MIGA1: variants seen among roughly 807,000 people sequenced by gnomAD.
The protein encoded by MIGA1 is family with sequence similarity 73, member A.
MIGA1 carries 58 observed loss-of-function variants against 82.0 expected under a neutral mutation model. The observed-to-expected ratio is 0.71, with a 90% CI of 0.57 to 0.88. MIGA1 has a LOEUF of 0.88. MIGA1 is among the 40% of genes least tolerant of loss of function. The pLI is 0.00. For synonymous variants in MIGA1, 249 were observed against 253.6 expected (o/e 0.98, Z 0.17); for missense variants, 751 against 749.1 (o/e 1.00, Z -0.03).
chr1:77,815,252 G>A lies in MIGA1; in HGVS notation c.895+21G>A, dbSNP rs749008076. On this transcript the variant is annotated intron_variant, in intron 7 of 15. Transcript: ENST00000370791. Reference sequence around the variant, plus strand: ...TATTGGTAAGATGGATATTTCATATGGCTTTTATGAAATGTTTACTTTTCT... The same window carrying A: ...TATTGGTAAGATGGATATTTCATATAGCTTTTATGAAATGTTTACTTTTCT... 2.9e-5 allele frequency: 45 copies of A among 1,543,406 alleles called. No individual in the cohort carries two copies. The Admixed American group carries it at 5.1e-4, about 18-fold the overall frequency.
At chr1:77,785,631 C>T (rs962047720) in intron 2 of MIGA1, among the ~76,000 whole-genome samples, 2 of 152,178 alleles carry the variant, frequency 1.3e-5, no homozygotes, top group Non-Finnish European at 2.9e-5. Flanking sequence ...GTGTGAGCCA[C>T]TGCACCCGGC....
intron 7 of MIGA1, among the ~76,000 whole-genome samples, chr1:77,830,002 T>C (rs539087617): frequency 1.2e-4 from 18 of 152,086 alleles, no homozygotes; most frequent in African/African-American, 4.1e-4. Flanking sequence ...ACTGTAGCTT[T>C]ATATAGCTTT....
Position 77,866,457 on chromosome 1 carries a change from G to A in MIGA1, c.1563+66G>A, listed in dbSNP as rs1685671804. 5 of 1,474,168 alleles carry A rather than the reference G, an allele frequency of 3.4e-6. No homozygotes were observed. In the South Asian group the frequency reaches 4.5e-5, roughly 13 times the overall value. The allele number at this position is 1,474,168 out of a possible 1,614,324, so 91.3% of individuals were successfully genotyped here. ...TAAGGATTCTGTCAAAGCAGCTTCT[G>A]AGTCACTTCTCCGGTGGGAATTGGC... is the stretch of plus-strand genomic sequence containing the variant. On this transcript the variant is annotated intron_variant, in intron 14 of 15. Coordinates refer to ENST00000370791, the MANE Select transcript of MIGA1 (RefSeq NM_198549.4).
chr1:77,799,701 G>C (rs1345738814), intron 2 of MIGA1, among the ~76,000 whole-genome samples: 2 of 150,464 alleles, frequency 1.3e-5, no homozygotes, highest in Non-Finnish European at 3.0e-5. Flanking sequence ...TTTGTCCTTT[G>C]TGGTCATAGA....
At chr1:77,869,763 C>T (rs1327914337) in intron 14 of MIGA1, among the ~76,000 whole-genome samples, 9 of 103,166 alleles carry the variant, frequency 8.7e-5, no homozygotes, top group East Asian at 3.5e-4. Flanking sequence ...GCCTCCCGGA[C>T]GGGGCGGCTG....
intron 7 of MIGA1, among the ~76,000 whole-genome samples, chr1:77,836,111 T>C (rs191303178): frequency 6.6e-6 from 1 of 152,250 alleles, no homozygotes. Context: ...TAAATTTTAG[T>C]TTACATGAAC....
At chr1:77,787,988 G>T (rs1339266608) in intron 2 of MIGA1, among the ~76,000 whole-genome samples, 2 of 151,024 alleles carry the variant, frequency 1.3e-5, no homozygotes, top group African/African-American at 4.9e-5. Flanking sequence ...GCTAATTTTT[G>T]TATTTTTTCT....
chr1:77,806,867 A>G (rs1039784058), intron 4 of MIGA1, 108 bp from the exon 5 acceptor site: 2 of 739,812 alleles, frequency 2.7e-6, no homozygotes, highest in Non-Finnish European at 4.3e-6. Context: ...AATTACATGG[A>G]TTGTCTTACC....
chr1:77,866,712 C>G (rs1382247852), intron 14 of MIGA1, among the ~76,000 whole-genome samples: 1 of 134,706 alleles, frequency 7.4e-6, no homozygotes. Context: ...TTGAGACAGT[C>G]TGTCTCTGTT....
intron 5 of MIGA1, 58 bp downstream of exon 5, chr1:77,807,159 C>G: frequency 1.4e-6 from 2 of 1,382,432 alleles, no homozygotes; most frequent in Non-Finnish European, 2.0e-6. Context: ...TTGTTTTGTT[C>G]TTGTTTTTTA....
At chr1:77,814,255 T>C (rs1033972707) in intron 6 of MIGA1, among the ~76,000 whole-genome samples, 1 of 152,220 alleles carries the variant, frequency 6.6e-6, no homozygotes, top group Non-Finnish European at 1.5e-5. Context: ...TGTTTTTTTC[T>C]TCTTCCTTGG....
intron 13 of MIGA1, among the ~76,000 whole-genome samples, chr1:77,865,129 TTTTC>T (rs1685614089): frequency 1.3e-5 from 2 of 151,910 alleles, no homozygotes; most frequent in Admixed American, 1.3e-4. Flanking sequence ...GGGGTCAGAT[TTTTC>T]TTTCTTTTTT....
chr1:77,793,311 C>G (rs1682507470), intron 2 of MIGA1, among the ~76,000 whole-genome samples: 1 of 152,086 alleles, frequency 6.6e-6, no homozygotes, highest in Non-Finnish European at 1.5e-5. Flanking sequence ...CCATGTTGCC[C>G]AGGCTGGTCT....
Position 77,873,198 on chromosome 1 carries a change from C to T in MIGA1, c.1680+78C>T, listed in dbSNP as rs1646862699. Reference sequence around the variant, plus strand: ...TACGGTTTTATTCTGTTTTGTTTTGCTTTTGTAGAAGAACAAATGTTATTT... The same window carrying T: ...TACGGTTTTATTCTGTTTTGTTTTGTTTTTGTAGAAGAACAAATGTTATTT... On this transcript the variant is annotated intron_variant, in intron 15 of 15. Coordinates refer to ENST00000370791, the MANE Select transcript of MIGA1 (RefSeq NM_198549.4). 3 of 1,394,070 alleles carry T rather than the reference C, an allele frequency of 2.2e-6. No homozygotes were observed. The East Asian group carries it at 6.9e-5, about 32-fold the overall frequency. The allele number at this position is 1,394,070 out of a possible 1,614,324, so 86.4% of individuals were successfully genotyped here.
At chr1:77,874,564 C>T (rs1291341087) in intron 15 of MIGA1, among the ~76,000 whole-genome samples, 2 of 152,072 alleles carry the variant, frequency 1.3e-5, no homozygotes, top group Non-Finnish European at 2.9e-5. Context: ...GTTTCCCCAC[C>T]TTTTCATGGT....
At chr1:77,818,991 A>G (rs1683693434) in intron 7 of MIGA1, among the ~76,000 whole-genome samples, 1 of 151,460 alleles carries the variant, frequency 6.6e-6, no homozygotes, top group South Asian at 2.1e-4. Flanking sequence ...GAGGGAAGAG[A>G]ATCGCTTGAA....
At chr1:77,786,310 G>T (rs1011872001) in intron 2 of MIGA1, among the ~76,000 whole-genome samples, 2 of 152,204 alleles carry the variant, frequency 1.3e-5, no homozygotes, top group Non-Finnish European at 2.9e-5. Context: ...GGGAGGGGCT[G>T]CCGTGAAGAC....
At chr1:77,783,931 G>C (rs1224526864) in intron 2 of MIGA1, among the ~76,000 whole-genome samples, 4 of 152,142 alleles carry the variant, frequency 2.6e-5, no homozygotes, top group Non-Finnish European at 2.9e-5. Context: ...TTTGTGACTA[G>C]CTCACTTTAC....
chr1:77,794,357 G>A (rs1682566169), intron 2 of MIGA1, among the ~76,000 whole-genome samples: 1 of 152,014 alleles, frequency 6.6e-6, no homozygotes, highest in Non-Finnish European at 1.5e-5. Context: ...TAGTTGTCAG[G>A]TTTCCTTAGT....
Sources: gnomAD v4.1 joint callset for allele counts (sites outside exome capture counted in the v4.1 genomes callset) on GRCh38, gnomAD v4.1.1 for gene constraint, MANE v1.5 for transcripts, NCBI Gene and HGNC (gene_info 2026-07-23, HGNC 2026-07-21) for gene names.